ROBO1: variants seen among roughly 807,000 people sequenced by gnomAD.
The protein encoded by ROBO1 is roundabout guidance receptor 1.
Under a neutral mutation model 195.9 loss-of-function variants are expected in ROBO1, and 149 were observed. The ratio of observed to expected loss-of-function variants is 0.76; its 90% CI spans 0.67 to 0.87. ROBO1 has a LOEUF of 0.87. Ranked by LOEUF, ROBO1 falls within the 40% of genes least tolerant of loss-of-function variation. ROBO1 has a pLI of 0.00. For synonymous variants in ROBO1, 816 were observed against 733.2 expected, an observed-to-expected ratio of 1.11 and a Z score of -1.82; for missense variants, 1,933 against 2,068.3, an observed-to-expected ratio of 0.93 and a Z score of 1.27.
At chr3:79,738,241 A>G (rs760274180) in intron 1 of ROBO1, among the ~76,000 whole-genome samples, 1 of 152,188 alleles carries the variant, frequency 6.6e-6, no homozygotes, top group Non-Finnish European at 1.5e-5. Context: ...GTAGAGAAAC[A>G]GTTTACTGAG....
intron 1 of ROBO1, among the ~76,000 whole-genome samples, chr3:79,650,459 A>G (rs1341228384): frequency 6.6e-6 from 1 of 151,778 alleles, no homozygotes. Context: ...TATAATAGGC[A>G]AGTTTTATCA....
chr3:78,765,018 A>C (rs889912932), intron 4 of ROBO1, among the ~76,000 whole-genome samples: 7 of 152,214 alleles, frequency 4.6e-5, no homozygotes, highest in Non-Finnish European at 8.8e-5. Flanking sequence ...TCAATGAATC[A>C]ATACACATTT....
intron 4 of ROBO1, among the ~76,000 whole-genome samples, chr3:78,778,026 TGA>T (rs2083556488): frequency 6.6e-6 from 1 of 152,224 alleles, no homozygotes; most frequent in South Asian, 2.1e-4. Context: ...CCTATTTTAT[TGA>T]GAGTTTTTAG....
At chr3:78,839,266 A>G (rs969202618) in intron 4 of ROBO1, among the ~76,000 whole-genome samples, 2 of 152,074 alleles carry the variant, frequency 1.3e-5, no homozygotes, top group African/African-American at 4.8e-5. Flanking sequence ...TACTACCATC[A>G]TATGTATCAT....
intron 4 of ROBO1, among the ~76,000 whole-genome samples, chr3:78,886,920 C>T (rs992291127): frequency 3.3e-5 from 5 of 151,928 alleles, no homozygotes; most frequent in African/African-American, 1.2e-4. Flanking sequence ...TAATATCCTG[C>T]TTATTATTCT....
rs78421700 is a variant in ROBO1, at chr3:79,762,841, G to C, written c.-51+4911C>G. Among the ~76,000 whole-genome samples the C allele has an allele frequency of 4.6e-3, 694 of 152,284 alleles. 25 individuals carry two copies. The East Asian group carries it at 0.082, about 18-fold the overall frequency. On this transcript the variant is annotated intron_variant, in intron 1 of 30. Transcript: ENST00000464233. ...CATGACTTCAAATGGCTGATCCCAG[G>C]AAGTGGAAGTAAGAATTGGAGGGCA...
intron 2 of ROBO1, among the ~76,000 whole-genome samples, chr3:79,361,846 A>C (rs1049492967): frequency 6.6e-5 from 10 of 152,138 alleles, no homozygotes; most frequent in African/African-American, 2.4e-4. Context: ...GTTGTATACC[A>C]CAAAGATGCA....
chr3:79,388,360 AT>A (rs1455374015), intron 2 of ROBO1, among the ~76,000 whole-genome samples: 1 of 152,038 alleles, frequency 6.6e-6, no homozygotes, highest in Non-Finnish European at 1.5e-5. Flanking sequence ...TTCTACTGTT[AT>A]AGTATCTCTC....
chr3:79,658,776 T>A (rs1193668287), intron 1 of ROBO1, among the ~76,000 whole-genome samples: 1 of 151,934 alleles, frequency 6.6e-6, no homozygotes, highest in Non-Finnish European at 1.5e-5. Context: ...AATCTATTTT[T>A]TTTTTTTTCT....
chr3:79,709,561 T>C (rs1049920049), intron 1 of ROBO1, among the ~76,000 whole-genome samples: 3 of 152,130 alleles, frequency 2.0e-5, no homozygotes, highest in Non-Finnish European at 2.9e-5. Context: ...ATGACATTAA[T>C]ATAATAAATA....
intron 1 of ROBO1, among the ~76,000 whole-genome samples, chr3:79,659,960 T>C (rs1433425133): frequency 6.6e-6 from 1 of 152,212 alleles, no homozygotes; most frequent in South Asian, 2.1e-4. Flanking sequence ...GTTCCCTATA[T>C]GCAAGCGTCC....
At chr3:78,649,150 C>A in intron 19 of ROBO1, among the ~76,000 whole-genome samples, 1 of 150,652 alleles carries the variant, frequency 6.6e-6, no homozygotes, top group Non-Finnish European at 1.5e-5. Flanking sequence ...ATGAAAGGTG[C>A]ATTTGAAACT....
intron 2 of ROBO1, among the ~76,000 whole-genome samples, chr3:79,350,283 A>C (rs1001256087): frequency 9.2e-5 from 14 of 152,238 alleles, no homozygotes; most frequent in African/African-American, 3.4e-4. Context: ...TGTAATAAAA[A>C]ATACAGACTA....
At chr3:79,246,696 AT>A (rs2108896204) in intron 2 of ROBO1, among the ~76,000 whole-genome samples, 1 of 152,024 alleles carries the variant, frequency 6.6e-6, no homozygotes, top group Admixed American at 6.6e-5. Context: ...TCATTTTTTC[AT>A]GTTAAAATAA....
chr3:79,282,002 A>C (rs2031551371), intron 2 of ROBO1, among the ~76,000 whole-genome samples: 1 of 152,194 alleles, frequency 6.6e-6, no homozygotes, highest in South Asian at 2.1e-4. Flanking sequence ...GTTTGACCCT[A>C]AATTAGTGCT....
intron 3 of ROBO1, among the ~76,000 whole-genome samples, chr3:78,992,493 C>A (rs2077261304): frequency 6.6e-6 from 1 of 152,212 alleles, no homozygotes; most frequent in Middle Eastern, 3.4e-3. Flanking sequence ...TAGAAGCAGA[C>A]CCTGGCAATG....
chr3:78,958,810 TTTC>T (rs1359819635), intron 3 of ROBO1, among the ~76,000 whole-genome samples: 3 of 149,996 alleles, frequency 2.0e-5, no homozygotes, highest in South Asian at 2.1e-4. Flanking sequence ...TTGGTCACCC[TTTC>T]TTCTTCTTTT....
chr3:79,070,068 A>C (rs1007685669), intron 3 of ROBO1, among the ~76,000 whole-genome samples: 1 of 151,510 alleles, frequency 6.6e-6, no homozygotes, highest in Non-Finnish European at 1.5e-5. Flanking sequence ...TTATTTATTG[A>C]CTACTTTTAA....
chr3:79,192,395 G>T (rs2108757995), intron 2 of ROBO1, among the ~76,000 whole-genome samples: 1 of 151,792 alleles, frequency 6.6e-6, no homozygotes, highest in South Asian at 2.1e-4. Flanking sequence ...AAATCAACAT[G>T]CAGGTAATAT....
Sources: allele counts gnomAD v4.1 joint callset (sites outside exome capture counted in the v4.1 genomes callset), GRCh38; gene constraint gnomAD v4.1.1; transcripts MANE v1.5; gene names NCBI Gene and HGNC (gene_info 2026-07-23, HGNC 2026-07-21).